The following GLDC variants were observed in gnomAD, a reference collection of about 807,000 sequenced individuals.
GLDC encodes the protein glycine dehydrogenase (decarboxylating), mitochondrial.
GLDC carries 104 observed loss-of-function variants against 121.3 expected under a neutral mutation model. The ratio of observed to expected loss-of-function variants is 0.86; its 90% confidence interval spans 0.73 to 1.01. The LOEUF (loss-of-function observed/expected upper bound fraction) is 1.01. Ranked by LOEUF, GLDC falls within the 50% of genes least tolerant of loss-of-function variation. The pLI is 0.00. For missense variants in GLDC, 1,429 were observed against 1,306.6 expected (o/e 1.09, Z -1.44); for synonymous variants, 546 against 480.6 (o/e 1.14, Z -1.78).
intron 21 of GLDC, chr9:6,540,466 C>CTATTCT: frequency 2.8e-6 from 1 of 361,960 alleles, no homozygotes; most frequent in Non-Finnish European, 5.2e-6. Context: ...GAGATTATTT[C>CTATTCT]TATTCTGCGG....
intron 24 of GLDC, 146 bp downstream of exon 24, chr9:6,534,562 T>G: frequency 1.5e-6 from 1 of 651,590 alleles, no homozygotes; most frequent in Non-Finnish European, 2.8e-6. Flanking sequence ...GCCAATTTCT[T>G]TGCTCCTCAT....
intron 2 of GLDC, among the ~76,000 whole-genome samples, chr9:6,642,147 G>C (rs569453856): frequency 1.3e-5 from 2 of 152,260 alleles, no homozygotes; most frequent in Admixed American, 6.5e-5. Context: ...TCAGGGAATG[G>C]GGGGACTTCT....
rs779661117 is a variant in GLDC at position 6,610,221 on chromosome 9, T to G, written c.606A>C (p.Ala202=). 2.5e-6 allele frequency: 4 copies of G among 1,613,232 alleles called. No homozygotes were observed. The African/African-American group carries it at 5.3e-5, about 22-fold the overall frequency. The stretch of plus-strand genomic sequence containing the variant: ...AGCACAGCTGCAGTGCCTCTGCGGC[T>G]GCAGTCCCCTCATCCAGCAGGGATG... ...ANASLLDEGT[A]AAEALQLCYR... The change falls in exon 4 of 25, where the codon GCA becomes GCC. Residue 202 remains alanine (A), a synonymous_variant. Coordinates refer to ENST00000321612, the MANE Select transcript of GLDC (RefSeq NM_000170.3).
chr9:6,618,973 C>G (rs1251061656), intron 3 of GLDC, among the ~76,000 whole-genome samples: 1 of 151,712 alleles, frequency 6.6e-6, no homozygotes, highest in East Asian at 2.0e-4. Context: ...GAAACCCCGT[C>G]TCTACTAAAA....
intron 15 of GLDC, among the ~76,000 whole-genome samples, chr9:6,584,821 C>T (rs1333370993): frequency 1.3e-5 from 2 of 152,202 alleles, no homozygotes; most frequent in African/African-American, 4.8e-5. Flanking sequence ...CTGGAGAAGA[C>T]ATCATTGCCA....
At chr9:6,536,772 A>G (rs965247142) in intron 22 of GLDC, among the ~76,000 whole-genome samples, 1 of 152,196 alleles carries the variant, frequency 6.6e-6, no homozygotes, top group African/African-American at 2.4e-5. Flanking sequence ...ATAGCTTATC[A>G]AAAGTTAAAT....
chr9:6,596,175 G>A (rs1311196672), intron 8 of GLDC, among the ~76,000 whole-genome samples: 2 of 152,166 alleles, frequency 1.3e-5, no homozygotes, highest in South Asian at 2.1e-4. Context: ...TGGCTGTGTT[G>A]CTGGAAACAG....
intron 15 of GLDC, among the ~76,000 whole-genome samples, chr9:6,584,776 T>C (rs1386459461): frequency 1.3e-5 from 2 of 152,204 alleles, no homozygotes; most frequent in Non-Finnish European, 2.9e-5. Context: ...AAATCAGCTC[T>C]TGGAAATGGA....
At chr9:6,552,283 C>A (rs1274206258) in intron 20 of GLDC, among the ~76,000 whole-genome samples, 1 of 152,126 alleles carries the variant, frequency 6.6e-6, no homozygotes, top group African/African-American at 2.4e-5. Context: ...AGGCATGTAG[C>A]CAAACCAACC....
chr9:6,644,068 G>C (rs999075461), intron 2 of GLDC, among the ~76,000 whole-genome samples: 3 of 62,338 alleles, frequency 4.8e-5, no homozygotes, highest in African/African-American at 2.1e-4. Flanking sequence ...AAAAAGAAAA[G>C]AAAAGAAAAA....
intron 16 of GLDC, among the ~76,000 whole-genome samples, chr9:6,564,114 G>T (rs752968046): frequency 6.6e-6 from 1 of 152,096 alleles, no homozygotes; most frequent in Non-Finnish European, 1.5e-5. Flanking sequence ...CGGGCGTGGT[G>T]GCGCATGCCT....
chr9:6,600,175 G>A (rs1295064221), intron 8 of GLDC, among the ~76,000 whole-genome samples: 3 of 152,124 alleles, frequency 2.0e-5, no homozygotes, highest in Non-Finnish European at 4.4e-5. Flanking sequence ...ACCAACCTGA[G>A]CAACAAAGTG....
intron 20 of GLDC, among the ~76,000 whole-genome samples, chr9:6,551,406 T>G (rs757854401): frequency 3.3e-4 from 50 of 152,298 alleles, no homozygotes; most frequent in Middle Eastern, 6.8e-3. Context: ...TCCTGGTAGT[T>G]AAGAGTCCCT....
intron 15 of GLDC, among the ~76,000 whole-genome samples, chr9:6,578,601 G>A (rs553872023): frequency 1.9e-4 from 28 of 150,692 alleles, no homozygotes; most frequent in African/African-American, 6.3e-4. Context: ...GTGCAGTGGC[G>A]TGATCATGGC....
chr9:6,644,555 C>T, intron 2 of GLDC, 59 bp downstream of exon 2: 1 of 1,183,144 alleles, frequency 8.5e-7, no homozygotes, highest in Non-Finnish European at 1.3e-6. Flanking sequence ...TTCAGGGAAC[C>T]ACAAAAGACA....
chr9:6,570,850 G>A, intron 15 of GLDC, among the ~76,000 whole-genome samples: 2 of 89,584 alleles, frequency 2.2e-5, no homozygotes, highest in Non-Finnish European at 4.2e-5. Flanking sequence ...GCAAAACTCT[G>A]TCTCAAAAAA....
intron 3 of GLDC, among the ~76,000 whole-genome samples, 197 bp from the exon 4 acceptor site, chr9:6,610,553 G>A (rs1818831001): frequency 6.6e-6 from 1 of 152,048 alleles, no homozygotes; most frequent in Non-Finnish European, 1.5e-5. Flanking sequence ...CTTTGTTTGG[G>A]GATAAGCAGT....
At chr9:6,613,216 A>G (rs570267671) in intron 3 of GLDC, among the ~76,000 whole-genome samples, 72 of 152,362 alleles carry the variant, frequency 4.7e-4, no homozygotes, top group Admixed American at 4.2e-3. Context: ...AAGTTGGAAA[A>G]TCCAGATAAC....
intron 15 of GLDC, among the ~76,000 whole-genome samples, chr9:6,573,143 C>T (rs1817997116): frequency 1.3e-5 from 2 of 152,162 alleles, no homozygotes; most frequent in South Asian, 4.1e-4. Flanking sequence ...GGCATGGTGG[C>T]TCACGCCTGT....
Sources: allele counts gnomAD v4.1 joint callset (sites outside exome capture counted in the v4.1 genomes callset), GRCh38; gene constraint gnomAD v4.1.1; transcripts MANE v1.5; gene names NCBI Gene and HGNC (gene_info 2026-07-23, HGNC 2026-07-21).